PUM1: variants seen among roughly 807,000 people sequenced by gnomAD.
The protein encoded by PUM1 is pumilio RNA binding family member 1.
In PUM1, 13 loss-of-function variants were observed where a neutral mutation model predicts 131.8. That is an observed-to-expected ratio of 0.10 (90% CI 0.06 to 0.16). PUM1 has a LOEUF of 0.16. PUM1 is among the 10% of genes least tolerant of loss of function. The pLI, the probability that PUM1 is intolerant of heterozygous loss-of-function variation, is 1.00. For missense variants in PUM1, 961 were observed against 1,512.4 expected (o/e 0.64, Z 6.05); for synonymous variants, 509 against 556.5 (o/e 0.91, Z 1.20).
chr1:31,062,991 C>T lies in PUM1; in HGVS notation c.-12+2625G>A, dbSNP rs537448654. ...TAGCAGGGTACTGGAGTAGTCTAAC[C>T]TAGACACTAGTCCCTGCTCAAGTAC... is the stretch of plus-strand genomic sequence containing the variant. On this transcript the variant is annotated intron_variant, in intron 1 of 21. Coordinates refer to ENST00000426105, the MANE Select transcript of PUM1 (RefSeq NM_001020658.2). Among the ~76,000 whole-genome samples, 87 of 152,272 alleles carry T rather than the reference C, an allele frequency of 5.7e-4. 1 individual carries two copies. The highest frequency in any genetic ancestry group is 2.0e-3 in the African/African-American group (84 of 41,554).
chr1:31,060,174 A>T (rs1164017618), intron 1 of PUM1, among the ~76,000 whole-genome samples: 1 of 147,948 alleles, frequency 6.8e-6, no homozygotes, highest in African/African-American at 2.5e-5. Flanking sequence ...AACTATCACA[A>T]CTTCGGCCGG....
chr1:31,053,623 G>A (rs1309312903), intron 2 of PUM1, among the ~76,000 whole-genome samples: 3 of 151,580 alleles, frequency 2.0e-5, no homozygotes, highest in South Asian at 2.1e-4. Context: ...CAGGCACAGC[G>A]CCACCATGCC....
intron 3 of PUM1, among the ~76,000 whole-genome samples, chr1:31,010,087 G>A (rs548438613): frequency 6.6e-6 from 1 of 151,148 alleles, no homozygotes; most frequent in Admixed American, 6.6e-5. Flanking sequence ...CTATTAGGTT[G>A]GTGCAAAAGT....
At chr1:31,023,924 CAAA>C (rs11373685) in intron 3 of PUM1, among the ~76,000 whole-genome samples, 4 of 82,138 alleles carry the variant, frequency 4.9e-5, no homozygotes, top group Non-Finnish European at 5.2e-5. Flanking sequence ...GACTCTGTCT[CAAA>C]AAAAAAAAAA....
chr1:30,961,382 G>T (rs1640399777), intron 14 of PUM1, among the ~76,000 whole-genome samples: 1 of 151,680 alleles, frequency 6.6e-6, no homozygotes, highest in Non-Finnish European at 1.5e-5. Flanking sequence ...TAATTAGCTG[G>T]GTGTGGTGGT....
At chr1:31,057,724 CAAAAAAAAA>C (rs58490041) in intron 2 of PUM1, among the ~76,000 whole-genome samples, 4 of 72,484 alleles carry the variant, frequency 5.5e-5, no homozygotes, top group African/African-American at 2.4e-4. Context: ...GACTCCATCT[CAAAAAAAAA>C]AAAAAAAAAA....
intron 6 of PUM1, among the ~76,000 whole-genome samples, chr1:30,994,750 T>A (rs1238525130): frequency 6.6e-6 from 1 of 152,256 alleles, no homozygotes; most frequent in Non-Finnish European, 1.5e-5. Context: ...AAGGCATCTA[T>A]CCTAGGTGAT....
intron 2 of PUM1, among the ~76,000 whole-genome samples, chr1:31,032,236 G>C (rs1643455350): frequency 6.6e-6 from 1 of 152,184 alleles, no homozygotes; most frequent in Non-Finnish European, 1.5e-5. Flanking sequence ...CCACAGGGCA[G>C]ACTCTCCAGA....
chr1:30,949,987 T>C, intron 17 of PUM1, 140 bp downstream of exon 17: 1 of 900,100 alleles, frequency 1.1e-6, no homozygotes, highest in South Asian at 2.1e-5. Context: ...CAGTTCATGC[T>C]TGCCATGCAC....
rs1033978418 is a variant in PUM1 at position 30,962,563 on chromosome 1, A to G, written c.2323+2111T>C. ...GCAGCTGGGACTACAGGCACACGCC[A>G]CCATGCCTGGCTAATTTTTGTATTT... On this transcript the variant is annotated intron_variant, in intron 14 of 21. Coordinates refer to ENST00000426105, the MANE Select transcript of PUM1 (RefSeq NM_001020658.2). Among the ~76,000 whole-genome samples, 3 of 152,214 alleles carry G rather than the reference A, an allele frequency of 2.0e-5. No homozygotes were observed. The South Asian group carries it at 6.2e-4, about 32-fold the overall frequency.
chr1:31,025,030 C>G (rs1197969422), intron 3 of PUM1, among the ~76,000 whole-genome samples: 1 of 152,228 alleles, frequency 6.6e-6, no homozygotes, highest in Non-Finnish European at 1.5e-5. Flanking sequence ...AAGGGGCTAA[C>G]AAGGAAAGTA....
At chr1:30,962,422 T>C (rs1310863453) in intron 14 of PUM1, among the ~76,000 whole-genome samples, 3 of 152,170 alleles carry the variant, frequency 2.0e-5, no homozygotes, top group Non-Finnish European at 4.4e-5. Flanking sequence ...TTTTATCTTA[T>C]TTTGTTTTGA....
chr1:30,941,081 A>C, intron 20 of PUM1, 70 bp downstream of exon 20: 1 of 1,417,760 alleles, frequency 7.1e-7, no homozygotes, highest in Non-Finnish European at 9.6e-7. Context: ...ATTAAAAAAT[A>C]AGATAATTAT....
chr1:30,997,328 T>C (rs930591286), intron 5 of PUM1, among the ~76,000 whole-genome samples: 1 of 151,954 alleles, frequency 6.6e-6, no homozygotes, highest in Admixed American at 6.6e-5. Context: ...CTGGCTAACA[T>C]GGTGAAACCC....
intron 2 of PUM1, among the ~76,000 whole-genome samples, chr1:31,049,850 GAC>G (rs1644066828): frequency 1.3e-5 from 1 of 79,972 alleles, no homozygotes; most frequent in South Asian, 4.4e-4. Context: ...TTTTTTTTGA[GAC>G]AGAGTCTTGC....
At chr1:30,982,525 G>C (rs1248196032) in intron 7 of PUM1, among the ~76,000 whole-genome samples, 4 of 152,216 alleles carry the variant, frequency 2.6e-5, no homozygotes, top group Admixed American at 6.5e-5. Context: ...TCCCTGGATA[G>C]GACCTTCAAC....
intron 2 of PUM1, among the ~76,000 whole-genome samples, chr1:31,033,165 C>T (rs966792214): frequency 6.6e-6 from 1 of 150,964 alleles, no homozygotes; most frequent in Non-Finnish European, 1.5e-5. Flanking sequence ...TATTGGTTAT[C>T]GAGCCAAAAA....
At chr1:30,940,348 C>T (rs1247216114) in intron 20 of PUM1, among the ~76,000 whole-genome samples, 1 of 152,062 alleles carries the variant, frequency 6.6e-6, no homozygotes, top group African/African-American at 2.4e-5. Flanking sequence ...TGGTGGCGTG[C>T]GCCTGCAGTC....
intron 7 of PUM1, among the ~76,000 whole-genome samples, chr1:30,992,021 G>A (rs55982353): frequency 0.072 from 10,935 of 152,214 alleles, 652 homozygotes; most frequent in East Asian, 0.28. Flanking sequence ...GGATAGTAGA[G>A]TTTACTATTT....
Sources: allele counts gnomAD v4.1 joint callset (sites outside exome capture counted in the v4.1 genomes callset), GRCh38; gene constraint gnomAD v4.1.1; transcripts MANE v1.5; gene names NCBI Gene and HGNC (gene_info 2026-07-23, HGNC 2026-07-21).